LYN: variants seen among roughly 807,000 people sequenced by gnomAD.
The protein encoded by LYN is tyrosine-protein kinase Lyn.
In LYN, 12 loss-of-function variants were observed where a neutral mutation model predicts 65.0. The ratio of observed to expected loss-of-function variants is 0.18; its 90% CI spans 0.12 to 0.30. LYN has a LOEUF of 0.30. Among genes scored for constraint, LYN ranks in the 10% least tolerant of loss-of-function variants. The probability of loss-of-function intolerance (pLI) is 1.00; values close to 1 mark genes in which losing one functional copy is unlikely to be tolerated. For synonymous variants in LYN, 222 were observed against 221.2 expected, an observed-to-expected ratio of 1.00 and a Z score of -0.03; for missense variants, 380 against 623.2, an observed-to-expected ratio of 0.61 and a Z score of 4.16.
At chr8:56,002,252 T>C (rs1420779223) in intron 12 of LYN, among the ~76,000 whole-genome samples, 3 of 152,032 alleles carry the variant, frequency 2.0e-5, no homozygotes, top group African/African-American at 4.8e-5. Flanking sequence ...ACCCCATCTC[T>C]ACTAAAAATA....
chr8:55,902,042 T>G (rs1805279859), intron 1 of LYN, among the ~76,000 whole-genome samples: 1 of 151,898 alleles, frequency 6.6e-6, no homozygotes, highest in Non-Finnish European at 1.5e-5. Context: ...AGTTTCACTC[T>G]TATTGCCCAG....
chr8:55,954,271 CA>C (rs1262037446), intron 8 of LYN, among the ~76,000 whole-genome samples: 4 of 152,224 alleles, frequency 2.6e-5, no homozygotes, highest in Non-Finnish European at 5.9e-5. Context: ...CCCTCATCGC[CA>C]GATTCTCTGG....
intron 10 of LYN, among the ~76,000 whole-genome samples, chr8:55,994,861 G>C (rs527833574): frequency 6.6e-6 from 1 of 152,340 alleles, no homozygotes; most frequent in Non-Finnish European, 1.5e-5. Context: ...AATTGCTGCT[G>C]TCTCATCTGG....
chr8:55,958,944 C>T (rs1182781150), intron 8 of LYN, among the ~76,000 whole-genome samples: 1 of 152,148 alleles, frequency 6.6e-6, no homozygotes, highest in African/African-American at 2.4e-5. Flanking sequence ...TCTCTGAGAC[C>T]TTATTTTCCA....
intron 10 of LYN, among the ~76,000 whole-genome samples, chr8:55,986,573 A>G (rs1007563504): frequency 6.6e-6 from 1 of 152,178 alleles, no homozygotes; most frequent in Non-Finnish European, 1.5e-5. Context: ...TCCCTAAGGC[A>G]TTGTGGGTCC....
intron 1 of LYN, among the ~76,000 whole-genome samples, chr8:55,939,462 A>AAGAGAGAGAGAGAGAGAGAGAGAGAG (rs111951441): frequency 3.6e-4 from 54 of 148,340 alleles, no homozygotes; most frequent in African/African-American, 1.4e-3. Context: ...TTCCCAAGAG[A>AAGAGAGAGAGAGAGAGAGAGAGAGAG]AGAGAGAGAG....
chr8:55,922,672 C>A (rs1347076883), intron 1 of LYN, among the ~76,000 whole-genome samples: 1 of 151,820 alleles, frequency 6.6e-6, no homozygotes, highest in Non-Finnish European at 1.5e-5. Flanking sequence ...GGAGCTGAGG[C>A]AGGTGAATCA....
At chr8:55,927,572 C>G (rs62515366) in intron 1 of LYN, among the ~76,000 whole-genome samples, 49 of 152,222 alleles carry the variant, frequency 3.2e-4, no homozygotes, top group African/African-American at 1.2e-3. Context: ...CGGTGGTTCA[C>G]GTCTGTAATC....
At chr8:55,883,925 A>C (rs2130346063) in intron 1 of LYN, among the ~76,000 whole-genome samples, 2 of 152,276 alleles carry the variant, frequency 1.3e-5, no homozygotes, top group Middle Eastern at 3.4e-3. Context: ...CTGATACTTA[A>C]ATTGTGAAAC....
rs1246400601 is a variant in LYN, at chr8:55,966,895, A to G, written c.971A>G (p.Lys324Arg). The G allele has an allele frequency of 6.2e-7, 1 of 1,613,142 alleles. No homozygotes were observed. Among genetic ancestry groups the G allele is most frequent in the Non-Finnish European group, 8.5e-7 (1 of 1,179,520 alleles). Residue 324 changes from lysine (K) to arginine (R), a missense_variant and splice_region_variant, in exon 9 of 13, where the codon AAG becomes AGG. By Grantham distance (26) the Lys-to-Arg change is conservative. This residue lies in a region of LYN where 223 missense variants were observed against 430.0 expected (regional missense o/e 0.52). Coordinates refer to ENST00000519728, the MANE Select transcript of LYN (RefSeq NM_002350.4). ...PIYIITEYMA[K>R]GSLLDFLKSD... The stretch of plus-strand genomic sequence containing the variant: ...TACATCATCACCGAGTACATGGCCA[A>G]GGGTGAGTTCCTCCCACTGCCCAGA...
chr8:55,920,158 A>G (rs1805903530), intron 1 of LYN, among the ~76,000 whole-genome samples: 1 of 152,208 alleles, frequency 6.6e-6, no homozygotes, highest in Admixed American at 6.5e-5. Flanking sequence ...TGGGAAGGCC[A>G]GTGTGAGTTG....
chr8:56,000,594 G>T (rs2130587145), intron 12 of LYN, among the ~76,000 whole-genome samples: 1 of 151,880 alleles, frequency 6.6e-6, no homozygotes, highest in African/African-American at 2.4e-5. Flanking sequence ...TGGGCGTAGT[G>T]GTGGGCATCT....
chr8:55,911,873 G>C (rs1437637842), intron 1 of LYN, among the ~76,000 whole-genome samples: 1 of 152,138 alleles, frequency 6.6e-6, no homozygotes, highest in African/African-American at 2.4e-5. Context: ...AAGATGGGAG[G>C]GGAGTGGGTT....
intron 8 of LYN, among the ~76,000 whole-genome samples, chr8:55,960,816 C>T (rs1296912592): frequency 6.6e-6 from 1 of 151,952 alleles, no homozygotes; most frequent in Non-Finnish European, 1.5e-5. Flanking sequence ...ATGCAGTGAA[C>T]AAATACTAGG....
At chr8:55,900,234 A>G (rs544328118) in intron 1 of LYN, among the ~76,000 whole-genome samples, 23 of 152,338 alleles carry the variant, frequency 1.5e-4, no homozygotes, top group African/African-American at 5.3e-4. Context: ...TGCAATGAAT[A>G]TTTAAACATT....
At chr8:55,977,187 A>G (rs1807781778) in intron 10 of LYN, among the ~76,000 whole-genome samples, 1 of 151,582 alleles carries the variant, frequency 6.6e-6, no homozygotes, top group Admixed American at 6.6e-5. Flanking sequence ...CTCTGTCTCA[A>G]AAAAAAAATA....
chr8:55,966,808 A>C lies in LYN; in HGVS notation c.884A>C (p.Lys295Thr). The change falls in exon 9 of 13, where the codon AAG (lysine) becomes ACG (threonine). Residue 295 changes from lysine to threonine, a missense_variant. This residue lies in a region of LYN where 223 missense variants were observed against 430.0 expected (regional missense o/e 0.52). Transcript: ENST00000519728. ...QAFLEEANLM[K>T]TLQHDKLVRL... ...TTCCTGGAAGAAGCCAACCTCATGA[A>C]GACCCTGCAGCATGACAAGCTCGTG... The C allele has an allele frequency of 6.2e-7, 1 of 1,614,134 alleles. No homozygotes were observed. The highest frequency in any genetic ancestry group is 8.5e-7 in the Non-Finnish European group (1 of 1,180,008).
At chr8:55,982,551 CT>C (rs1197270233) in intron 10 of LYN, among the ~76,000 whole-genome samples, 2 of 152,164 alleles carry the variant, frequency 1.3e-5, no homozygotes, top group African/African-American at 4.8e-5. Context: ...GGACCCCCAG[CT>C]TTGGAGTCCA....
intron 1 of LYN, among the ~76,000 whole-genome samples, chr8:55,885,315 A>ATAGTTTTTTAGTTGGTCTCATT (rs1254363223): frequency 6.6e-6 from 1 of 152,172 alleles, no homozygotes; most frequent in East Asian, 1.9e-4. Flanking sequence ...CACAGCTCAG[A>ATAGTTTTTTAGTTGGTCTCATT]TAGTTTTTTA....
Sources: gnomAD v4.1 joint callset for allele counts (sites outside exome capture counted in the v4.1 genomes callset) on GRCh38, gnomAD v4.1.1 for gene constraint, gnomAD v4.1.1 regional missense constraint, MANE v1.5 for transcripts, NCBI Gene and HGNC (gene_info 2026-07-23, HGNC 2026-07-21) for gene names.